Variants in TMA7 observed in about 807,000 individuals in gnomAD.
The protein encoded by TMA7 is translation machinery associated 7 homolog.
In TMA7, 5 loss-of-function variants were observed where a neutral mutation model predicts 12.5. That is an observed-to-expected ratio of 0.40 (90% CI 0.21 to 0.84). The LOEUF (loss-of-function observed/expected upper bound fraction) is 0.84. Ranked by LOEUF, TMA7 falls within the 40% of genes least tolerant of loss-of-function variation. The pLI is 0.36. For missense variants in TMA7, 71 were observed against 75.4 expected (o/e 0.94, Z 0.22); for synonymous variants, 36 against 28.1 (o/e 1.28, Z -0.89).
chr3:48,441,609 C>A (rs747231304), intron 3 of TMA7, among the ~76,000 whole-genome samples: 2 of 152,044 alleles, frequency 1.3e-5, no homozygotes, highest in Non-Finnish European at 2.9e-5. Flanking sequence ...TGTGCTGTTG[C>A]TCCATATGCT....
chr3:48,442,734 G>A (rs1280439340), intron 3 of TMA7, among the ~76,000 whole-genome samples: 1 of 152,092 alleles, frequency 6.6e-6, no homozygotes, highest in African/African-American at 2.4e-5. Context: ...ACAGGCGTGA[G>A]CCACCGCGCC....
intron 3 of TMA7, among the ~76,000 whole-genome samples, chr3:48,441,916 C>T (rs905879066): frequency 3.3e-5 from 5 of 152,170 alleles, no homozygotes; most frequent in African/African-American, 1.2e-4. Flanking sequence ...ACTGAGATTT[C>T]TAGCTCTTGA....
chr3:48,441,912 A>T (rs1264661134), intron 3 of TMA7, among the ~76,000 whole-genome samples: 5 of 152,144 alleles, frequency 3.3e-5, no homozygotes, highest in African/African-American at 1.2e-4. Context: ...CAGCACTGAG[A>T]TTTCTAGCTC....
chr3:48,441,524 A>G lies in TMA7; in HGVS notation c.160+896A>G, dbSNP rs546598826. 5.3e-5 allele frequency among the ~76,000 whole-genome samples: 8 copies of G among 150,348 alleles called. No homozygotes were observed. In the East Asian group the frequency reaches 1.6e-3, roughly 29 times the overall value. ...TCGTACTGCTTATATTATCTCTAAT[A>G]TATGCTTTTTTGCTTTCTGAGTCTT... On this transcript the variant is annotated intron_variant, in intron 3 of 3. Transcript: ENST00000438607.
intron 3 of TMA7, chr3:48,440,969 C>T (rs2039547451): frequency 4.9e-6 from 2 of 412,110 alleles, no homozygotes; most frequent in Non-Finnish European, 8.8e-6. Context: ...ATTCGTATTT[C>T]ACTGCCTTCT....
rs1480200184 is a variant in TMA7 at position 48,444,063 on chromosome 3, C to G, written c.*181C>G. ...AAAATCTTACAGTGGCTCATCATCTCTTTAGTTGTTTTCACTAAGTCGTTC... is the reference window on the plus strand; with the variant it reads ...AAAATCTTACAGTGGCTCATCATCTGTTTAGTTGTTTTCACTAAGTCGTTC... On this transcript the variant is annotated 3_prime_UTR_variant, in exon 4 of 4. Coordinates refer to ENST00000438607, the MANE Select transcript of TMA7 (RefSeq NM_015933.6). 1 of 426,066 alleles carries G rather than the reference C, an allele frequency of 2.3e-6. No homozygotes were observed. The highest frequency in any genetic ancestry group is 2.0e-5 in the African/African-American group (1 of 48,838). The allele number at this position is 426,066 out of a possible 1,614,324, so 26.4% of individuals were successfully genotyped here.
In TMA7 at chr3:48,442,832, G is replaced by T. The variant is rs116058485; in HGVS notation, c.161-1016G>T. ...AATTGACAGAGTATACCAGGTGCCAGGATCATAATATGGAAGGTAGTGTAA... is the reference window on the plus strand; with the variant it reads ...AATTGACAGAGTATACCAGGTGCCATGATCATAATATGGAAGGTAGTGTAA... On this transcript the variant is annotated intron_variant, in intron 3 of 3. Coordinates refer to ENST00000438607, the MANE Select transcript of TMA7 (RefSeq NM_015933.6). 5.4e-3 allele frequency among the ~76,000 whole-genome samples: 830 copies of T among 152,308 alleles called. 3 individuals are homozygous for T. Among genetic ancestry groups the T allele is most frequent in the Non-Finnish European group, 8.6e-3 (586 of 68,024 alleles).
intron 3 of TMA7, among the ~76,000 whole-genome samples, chr3:48,442,713 G>A (rs2039598572): frequency 6.6e-6 from 1 of 152,016 alleles, no homozygotes; most frequent in African/African-American, 2.4e-5. Context: ...ACCTCCCAAA[G>A]TGCTGGGATT....
chr3:48,440,763 C>A, intron 3 of TMA7, 135 bp downstream of exon 3: 1 of 783,364 alleles, frequency 1.3e-6, no homozygotes, highest in Non-Finnish European at 2.1e-6. Context: ...AGCGAATGGT[C>A]TCTAGCCAGT....
At chr3:48,443,173 G>A (rs147718030) in intron 3 of TMA7, among the ~76,000 whole-genome samples, 39 of 150,010 alleles carry the variant, frequency 2.6e-4, no homozygotes, top group Admixed American at 1.9e-3. Flanking sequence ...CCTGGGAGGC[G>A]GAGGCTGCAG....
At chr3:48,443,551 G>T (rs1005234385) in intron 3 of TMA7, among the ~76,000 whole-genome samples, 5 of 150,162 alleles carry the variant, frequency 3.3e-5, no homozygotes, top group Non-Finnish European at 5.9e-5. Flanking sequence ...AAAAAAAAAA[G>T]GACTTCTTTT....
rs376665779 is a variant in TMA7, at chr3:48,440,293, C to T, written c.-4C>T. The T allele has an allele frequency of 3.1e-5, 50 of 1,604,396 alleles. No individual in the cohort carries two copies. Among genetic ancestry groups the T allele is most frequent in the African/African-American group, 1.5e-4 (11 of 74,930 alleles). On this transcript the variant is annotated 5_prime_UTR_variant, in exon 1 of 4. Transcript: ENST00000438607. ...CAGGGTCTGGGGAAGCGGCGGCAGG[C>T]GCCATGTCCGGCCGCGAAGGTAAGT... is the stretch of plus-strand genomic sequence containing the variant.
At position 48,443,907 on chromosome 3, in the gene TMA7, G is replaced by A; in HGVS notation, c.*25G>A. 1.3e-6 allele frequency: 2 copies of A among 1,506,468 alleles called. No individual in the cohort carries two copies. Among genetic ancestry groups the A allele is most frequent in the Non-Finnish European group, 1.8e-6 (2 of 1,129,514 alleles). The allele number at this position is 1,506,468 out of a possible 1,614,324, so 93.3% of individuals were successfully genotyped here. A position where few individuals can be genotyped will look rare whatever the true frequency, so the allele number is the denominator to read the frequency against. On this transcript the variant is annotated 3_prime_UTR_variant, in exon 4 of 4. Coordinates refer to ENST00000438607, the MANE Select transcript of TMA7 (RefSeq NM_015933.6). ...AGCTGTTCCTTGTGCCTGAGGAGAT[G>A]GTGACCCTTTATTTCATCTGTATTT...
rs567177937 is a variant in TMA7 at position 48,441,736 on chromosome 3, T to C, written c.160+1108T>C. Among the ~76,000 whole-genome samples the C allele has an allele frequency of 3.9e-5, 6 of 152,354 alleles. No homozygotes were observed. The East Asian group carries it at 7.7e-4, about 20-fold the overall frequency. The stretch of plus-strand genomic sequence containing the variant: ...ACTTTATGTGCATCATAAGCATTAT[T>C]TTACATTGATCCAACTAGTGATTAT... On this transcript the variant is annotated intron_variant, in intron 3 of 3. Transcript: ENST00000438607.
intron 3 of TMA7, among the ~76,000 whole-genome samples, chr3:48,443,275 C>G (rs4490383): frequency 6.9e-6 from 1 of 144,188 alleles, no homozygotes; most frequent in African/African-American, 2.6e-5. Context: ...ATGCTGGGGT[C>G]GGTGGCTCAC....
Position 48,440,330 on chromosome 3 carries a change from G to A in TMA7, c.16+18G>A, listed in dbSNP as rs938660578. 2 of 1,611,682 alleles carry A rather than the reference G, an allele frequency of 1.2e-6. No homozygotes were observed. Among genetic ancestry groups the A allele is most frequent in the Non-Finnish European group, 1.7e-6 (2 of 1,179,670 alleles). On this transcript the variant is annotated intron_variant, in intron 1 of 3. Coordinates refer to ENST00000438607, the MANE Select transcript of TMA7 (RefSeq NM_015933.6). The stretch of plus-strand genomic sequence containing the variant: ...CCGCGAAGGTAAGTGTTCCGGAACC[G>A]TGAGGACTGCGGGGACGGCGGGGTG...
At chr3:48,441,199 C>G (rs1341422793) in intron 3 of TMA7, among the ~76,000 whole-genome samples, 1 of 151,340 alleles carries the variant, frequency 6.6e-6, no homozygotes, top group African/African-American at 2.4e-5. Context: ...TTTTTTGAGA[C>G]GGAGTGCGGC....
At position 48,443,879 on chromosome 3, in the gene TMA7, G is replaced by A. The variant is rs756598367; in HGVS notation, c.192G>A (p.Lys64=). 6.4e-7 allele frequency: 1 copy of A among 1,558,072 alleles called. No individual in the cohort carries two copies. Among genetic ancestry groups the A allele is most frequent in the East Asian group, 2.4e-5 (1 of 41,524 alleles). ...ATGGIKKSGK[K] ...GTGGAATTAAGAAATCTGGCAAAAA[G>A]TAAGCTGTTCCTTGTGCCTGAGGAG... The change falls in exon 4 of 4, where the codon AAG becomes AAA. Residue 64 remains lysine, a synonymous_variant. Transcript: ENST00000438607.
chr3:48,443,715 C>A, intron 3 of TMA7, 133 bp from the exon 4 acceptor site: 1 of 582,200 alleles, frequency 1.7e-6, no homozygotes, highest in Non-Finnish European at 2.9e-6. Context: ...ATCAGTGAAG[C>A]TGCTATCCAT....
Sources: gnomAD v4.1 joint callset for allele counts (sites outside exome capture counted in the v4.1 genomes callset) on GRCh38, gnomAD v4.1.1 for gene constraint, MANE v1.5 for transcripts, NCBI Gene and HGNC (gene_info 2026-07-23, HGNC 2026-07-21) for gene names.